Variants in CYP19A1 observed in about 807,000 individuals in gnomAD.
CYP19A1 encodes aromatase.
Under a neutral mutation model 44.4 loss-of-function variants are expected in CYP19A1, and 32 were observed. The observed-to-expected ratio is 0.72, with a 90% CI of 0.54 to 0.97. CYP19A1 has a LOEUF of 0.97. Ranked by LOEUF, CYP19A1 falls within the 50% of genes least tolerant of loss-of-function variation. The probability of loss-of-function intolerance (pLI) is 0.00; values close to 1 mark genes in which losing one functional copy is unlikely to be tolerated. For synonymous variants in CYP19A1, 212 were observed against 215.6 expected, an observed-to-expected ratio of 0.98 and a Z score of 0.14; for missense variants, 598 against 637.8, an observed-to-expected ratio of 0.94 and a Z score of 0.67.
Position 51,222,416 on chromosome 15 carries a change from C to T in CYP19A1, c.561G>A (p.Val187=), listed in dbSNP as rs750452353. The change falls in exon 5 of 10, where the codon GTG becomes GTA. Residue 187 remains valine (V), a synonymous_variant. Coordinates refer to ENST00000396402, the MANE Select transcript of CYP19A1 (RefSeq NM_000103.4). ...GCATGACACGACGCAGAAGGGTCAA[C>T]ACGTCCACATAGCCCGATTCATTGG... is the stretch of plus-strand genomic sequence containing the variant. ...EVTNESGYVD[V]LTLLRRVMLD... 11 of 1,614,028 alleles carry T rather than the reference C, an allele frequency of 6.8e-6. No homozygotes were observed. Among genetic ancestry groups the T allele is most frequent in the Middle Eastern group, 3.3e-4 (2 of 6,084 alleles).
chr15:51,335,935 G>A (rs1050007384), intron 1 of CYP19A1, among the ~76,000 whole-genome samples: 1 of 152,160 alleles, frequency 6.6e-6, no homozygotes, highest in Non-Finnish European at 1.5e-5. Context: ...GCTTCTTACG[G>A]TTCCTCAAAT....
At chr15:51,302,197 C>T (rs1566918879) in intron 1 of CYP19A1, among the ~76,000 whole-genome samples, 1 of 152,208 alleles carries the variant, frequency 6.6e-6, no homozygotes, top group Admixed American at 6.5e-5. Context: ...GCTCTGCTGA[C>T]AGGCATGAGC....
chr15:51,285,883 C>T (rs575228377), intron 1 of CYP19A1, among the ~76,000 whole-genome samples: 4 of 152,302 alleles, frequency 2.6e-5, no homozygotes, highest in African/African-American at 7.2e-5. Flanking sequence ...CGCCAGACTT[C>T]GTCACCACCA....
chr15:51,332,461 C>G (rs1239444958), intron 1 of CYP19A1, among the ~76,000 whole-genome samples: 3 of 152,172 alleles, frequency 2.0e-5, no homozygotes, highest in African/African-American at 7.2e-5. Flanking sequence ...TATGTCTCTT[C>G]TATTTTCAGC....
At chr15:51,320,807 AT>A (rs1481772846) in intron 1 of CYP19A1, 4 of 152,232 alleles carry the variant, frequency 2.6e-5, no homozygotes, top group African/African-American at 9.6e-5. Context: ...AACAGGTGAA[AT>A]TAATCTTAAT....
chr15:51,294,715 C>CCGGGAGGGAGG (rs1451991744), intron 1 of CYP19A1, among the ~76,000 whole-genome samples: 39 of 150,330 alleles, frequency 2.6e-4, no homozygotes, highest in African/African-American at 8.9e-4. Flanking sequence ...GCCGCCCCGT[C>CCGGGAGGGAGG]TGGCCAGCCG....
At chr15:51,248,417 A>G (rs900488436) in intron 1 of CYP19A1, among the ~76,000 whole-genome samples, 2 of 152,202 alleles carry the variant, frequency 1.3e-5, no homozygotes, top group Non-Finnish European at 2.9e-5. Context: ...GCCATAAGCT[A>G]CCTCTGAGTG....
chr15:51,311,466 G>T (rs1036251902), intron 1 of CYP19A1, among the ~76,000 whole-genome samples: 1 of 152,094 alleles, frequency 6.6e-6, no homozygotes, highest in African/African-American at 2.4e-5. Context: ...ATAAAGCCTC[G>T]AGGATCTGTG....
intron 4 of CYP19A1, among the ~76,000 whole-genome samples, chr15:51,223,371 C>T (rs2032279172): frequency 6.6e-6 from 1 of 152,136 alleles, no homozygotes; most frequent in Non-Finnish European, 1.5e-5. Context: ...GTGGCCTACA[C>T]AGGAGGGTTT....
chr15:51,274,144 A>G (rs940121548), intron 1 of CYP19A1, among the ~76,000 whole-genome samples: 2 of 152,194 alleles, frequency 1.3e-5, no homozygotes, highest in African/African-American at 4.8e-5. Flanking sequence ...GTGTGGTGTC[A>G]ATGTGCCAGC....
chr15:51,244,649 G>T (rs981564643), intron 1 of CYP19A1, among the ~76,000 whole-genome samples: 2 of 152,078 alleles, frequency 1.3e-5, no homozygotes, highest in East Asian at 1.9e-4. Flanking sequence ...TTGAAGTTTC[G>T]ATTTATATTG....
chr15:51,328,247 G>C (rs2036642998), intron 1 of CYP19A1, among the ~76,000 whole-genome samples: 1 of 152,158 alleles, frequency 6.6e-6, no homozygotes, highest in Non-Finnish European at 1.5e-5. Context: ...AATAAATCCT[G>C]TGTGTTTATA....
chr15:51,212,944 T>C (rs1296747777), intron 8 of CYP19A1, among the ~76,000 whole-genome samples: 1 of 152,176 alleles, frequency 6.6e-6, no homozygotes, highest in African/African-American at 2.4e-5. Context: ...CTTCAAACAT[T>C]CATCTCATGT....
chr15:51,285,950 A>G (rs2035684785), intron 1 of CYP19A1, among the ~76,000 whole-genome samples: 1 of 152,170 alleles, frequency 6.6e-6, no homozygotes, highest in African/African-American at 2.4e-5. Context: ...CAGTCACCAC[A>G]GTCTCACTCC....
In CYP19A1 at chr15:51,209,413, C is replaced by A. The variant is rs1036772061; in HGVS notation, c.*1395G>T. On this transcript the variant is annotated 3_prime_UTR_variant, in exon 10 of 10. Transcript: ENST00000396402. ...CTGTCATCTTATACTCAGCTTATTA[C>A]TAGACAGTAGGATGAAAAGAACAGT... 1 of 152,164 alleles carries A rather than the reference C, an allele frequency of 6.6e-6. No homozygotes were observed. Among genetic ancestry groups the A allele is most frequent in the Non-Finnish European group, 1.5e-5 (1 of 68,032 alleles). The allele number at this position is 152,164 out of a possible 1,614,324, so 9.4% of individuals were successfully genotyped here. A position where few individuals can be genotyped will look rare whatever the true frequency, so the allele number is the denominator to read the frequency against.
At chr15:51,224,812 C>T (rs1022804763) in intron 4 of CYP19A1, among the ~76,000 whole-genome samples, 10 of 152,160 alleles carry the variant, frequency 6.6e-5, no homozygotes, top group Non-Finnish European at 1.5e-4. Flanking sequence ...GTGATCTGGC[C>T]CTGCCCTCCC....
At chr15:51,223,591 T>TCACACACACACACACACACACA (rs1157301044) in intron 4 of CYP19A1, among the ~76,000 whole-genome samples, 2 of 56,988 alleles carry the variant, frequency 3.5e-5, no homozygotes, top group South Asian at 1.6e-3. Flanking sequence ...TCTCTCTCTC[T>TCACACACACACACACACACACA]CTCACACACA....
chr15:51,215,584 C>G (rs916978173), intron 7 of CYP19A1, 119 bp downstream of exon 7: 1 of 1,573,008 alleles, frequency 6.4e-7, no homozygotes, highest in Non-Finnish European at 8.6e-7. Flanking sequence ...GATTACAGAA[C>G]TGCTAGAGAA....
intron 8 of CYP19A1, among the ~76,000 whole-genome samples, chr15:51,213,764 T>C (rs1035858615): frequency 2.6e-5 from 4 of 152,200 alleles, no homozygotes; most frequent in Non-Finnish European, 5.9e-5. Flanking sequence ...GCTTATGGTT[T>C]CTCTGAATGC....
Sources: gnomAD v4.1 joint callset for allele counts (sites outside exome capture counted in the v4.1 genomes callset) on GRCh38, gnomAD v4.1.1 for gene constraint, MANE v1.5 for transcripts, NCBI Gene and HGNC (gene_info 2026-07-23, HGNC 2026-07-21) for gene names.